The following ADRA1B variants were observed in gnomAD, a reference collection of about 807,000 sequenced individuals.
ADRA1B encodes adrenoceptor alpha 1B, also known as alpha-1B adrenergic receptor.
ADRA1B carries 17 observed loss-of-function variants against 17.9 expected under a neutral mutation model. The observed-to-expected ratio is 0.95, with a 90% CI of 0.65 to 1.42. The LOEUF (loss-of-function observed/expected upper bound fraction) is 1.42, where lower values mean the gene tolerates loss of function less well. Among genes scored for constraint, ADRA1B ranks in the 40% most tolerant of loss-of-function variants. The pLI, the probability that ADRA1B is intolerant of heterozygous loss-of-function variation, is 0.00. For synonymous variants in ADRA1B, 366 were observed against 327.6 expected (o/e 1.12, Z -1.27); for missense variants, 681 against 722.1 (o/e 0.94, Z 0.65).
chr5:159,902,449 C>T (rs1754112121), intron 1 of ADRA1B, among the ~76,000 whole-genome samples: 1 of 151,564 alleles, frequency 6.6e-6, no homozygotes, highest in Non-Finnish European at 1.5e-5. Flanking sequence ...TACTTAAAAA[C>T]TGTTAAAGGG....
At chr5:159,920,558 T>C (rs1354107234) in intron 1 of ADRA1B, among the ~76,000 whole-genome samples, 2 of 152,132 alleles carry the variant, frequency 1.3e-5, no homozygotes, top group Non-Finnish European at 2.9e-5. Flanking sequence ...GATCTTCCAG[T>C]GATTTGTCCC....
At chr5:159,866,458 A>G (rs966913174) in intron 1 of ADRA1B, among the ~76,000 whole-genome samples, 1 of 151,902 alleles carries the variant, frequency 6.6e-6, no homozygotes, top group African/African-American at 2.4e-5. Flanking sequence ...ATGATAGCAC[A>G]TGCCTGTAAT....
intron 1 of ADRA1B, among the ~76,000 whole-genome samples, chr5:159,947,499 A>AT (rs147236788): frequency 7.2e-5 from 11 of 151,770 alleles, no homozygotes; most frequent in South Asian, 4.2e-4. Flanking sequence ...CCTCTATAGC[A>AT]TTTTTTTTCA....
At chr5:159,930,265 G>A (rs1347436511) in intron 1 of ADRA1B, among the ~76,000 whole-genome samples, 1 of 152,226 alleles carries the variant, frequency 6.6e-6, no homozygotes, top group Non-Finnish European at 1.5e-5. Context: ...GGAAGATTTG[G>A]TATTTTAGGT....
chr5:159,886,212 G>A (rs1019565516), intron 1 of ADRA1B, among the ~76,000 whole-genome samples: 1 of 152,174 alleles, frequency 6.6e-6, no homozygotes, highest in African/African-American at 2.4e-5. Flanking sequence ...TTTCTCAAGG[G>A]ACCCATAGTC....
intron 1 of ADRA1B, among the ~76,000 whole-genome samples, chr5:159,881,670 TG>T (rs1428933786): frequency 6.6e-6 from 1 of 152,094 alleles, no homozygotes; most frequent in Non-Finnish European, 1.5e-5. Flanking sequence ...ATTCGAAGGC[TG>T]TCTTAGAGAG....
At position 159,972,232 on chromosome 5, in the gene ADRA1B, G is replaced by A; in HGVS notation, c.1303G>A (p.Ala435Thr). The A allele has an allele frequency of 7.4e-7, 1 of 1,348,966 alleles. No homozygotes were observed. Among genetic ancestry groups the A allele is most frequent in the South Asian group, 1.7e-5 (1 of 57,992 alleles). 83.6% of individuals were successfully genotyped at this position (1,348,966 alleles called of 1,614,324 possible). The change falls in exon 2 of 2, where the codon GCG (alanine) becomes ACG (threonine). Residue 435 changes from alanine (A) to threonine (T), a missense_variant. Physicochemically the swap from Ala to Thr is moderately conservative, Grantham distance 58. Coordinates refer to ENST00000306675, the MANE Select transcript of ADRA1B (RefSeq NM_000679.4). ...SPSPGYLGRG[A>T]PPPVELCAFP... ...GAGCCCGGGCTACCTGGGCCGCGGCGCGCCACCGCCAGTCGAGCTGTGCGC... is the reference window on the plus strand; with the variant it reads ...GAGCCCGGGCTACCTGGGCCGCGGCACGCCACCGCCAGTCGAGCTGTGCGC...
At chr5:159,871,817 A>G (rs1176997410) in intron 1 of ADRA1B, among the ~76,000 whole-genome samples, 1 of 152,204 alleles carries the variant, frequency 6.6e-6, no homozygotes, top group African/African-American at 2.4e-5. Context: ...CAGTCTTTGA[A>G]TGCCAATTTT....
chr5:159,952,401 T>C (rs528986121), intron 1 of ADRA1B, among the ~76,000 whole-genome samples: 4 of 152,314 alleles, frequency 2.6e-5, no homozygotes, highest in South Asian at 2.1e-4. Flanking sequence ...TCTTATTGTA[T>C]GTAATATAAT....
chr5:159,905,758 G>C (rs1353871315), intron 1 of ADRA1B, among the ~76,000 whole-genome samples: 1 of 152,192 alleles, frequency 6.6e-6, no homozygotes, highest in Non-Finnish European at 1.5e-5. Context: ...AGACTGAGTG[G>C]GGAGGGGCAG....
chr5:159,935,429 T>TA (rs1382439918), intron 1 of ADRA1B, among the ~76,000 whole-genome samples: 2 of 152,200 alleles, frequency 1.3e-5, no homozygotes, highest in African/African-American at 2.4e-5. Flanking sequence ...CATCTTCTTT[T>TA]AAGAAATAAA....
chr5:159,873,387 C>T (rs1395628600), intron 1 of ADRA1B, among the ~76,000 whole-genome samples: 1 of 152,200 alleles, frequency 6.6e-6, no homozygotes, highest in Non-Finnish European at 1.5e-5. Flanking sequence ...CATCAGCAGA[C>T]ACTCCAGCTG....
chr5:159,961,514 C>A (rs1444842427), intron 1 of ADRA1B, among the ~76,000 whole-genome samples: 2 of 152,144 alleles, frequency 1.3e-5, no homozygotes, highest in African/African-American at 4.8e-5. Context: ...CCAAGGAAAC[C>A]TTCTTTTACA....
intron 1 of ADRA1B, among the ~76,000 whole-genome samples, chr5:159,943,939 C>A (rs1041402447): frequency 1.2e-4 from 17 of 146,698 alleles, no homozygotes; most frequent in Non-Finnish European, 2.3e-4. Flanking sequence ...CACACACACA[C>A]AAACACACAC....
chr5:159,950,154 T>A (rs753693979), intron 1 of ADRA1B, among the ~76,000 whole-genome samples: 1 of 152,204 alleles, frequency 6.6e-6, no homozygotes, highest in African/African-American at 2.4e-5. Flanking sequence ...TAATAATCCA[T>A]TGAGGCTCAG....
chr5:159,965,488 T>C (rs1755757708), intron 1 of ADRA1B, among the ~76,000 whole-genome samples: 1 of 152,186 alleles, frequency 6.6e-6, no homozygotes, highest in African/African-American at 2.4e-5. Context: ...CACCACACTC[T>C]TCTCCAGTGA....
intron 1 of ADRA1B, among the ~76,000 whole-genome samples, chr5:159,885,846 G>A (rs192954189): frequency 6.6e-6 from 1 of 152,290 alleles, no homozygotes. Context: ...AACTCTACAA[G>A]CATTGTTGCA....
downstream of ADRA1B, among the ~76,000 whole-genome samples, chr5:159,977,927 A>T (rs1755996439): frequency 6.9e-6 from 1 of 144,848 alleles, no homozygotes; most frequent in South Asian, 2.2e-4. Flanking sequence ...TTCCTCCATC[A>T]CCTCCTTCTC....
intron 1 of ADRA1B, among the ~76,000 whole-genome samples, chr5:159,894,502 GGCAGATAGCTTCC>G (rs1395268869): frequency 6.6e-5 from 10 of 152,096 alleles, no homozygotes; most frequent in African/African-American, 1.9e-4. Context: ...AAATTAAGGA[GGCAGATAGCTTCC>G]CATCGGTTTA....
Sources: allele counts gnomAD v4.1 joint callset (sites outside exome capture counted in the v4.1 genomes callset), GRCh38; gene constraint gnomAD v4.1.1; transcripts MANE v1.5; gene names NCBI Gene and HGNC (gene_info 2026-07-23, HGNC 2026-07-21).